VWA8: variants seen among roughly 807,000 people sequenced by gnomAD.
The protein encoded by VWA8 is von Willebrand factor A domain-containing protein 8.
Under a neutral mutation model 241.5 loss-of-function variants are expected in VWA8, and 221 were observed. The observed-to-expected ratio is 0.91, with a 90% CI of 0.82 to 1.02. VWA8 has a LOEUF of 1.02. Among genes scored for constraint, VWA8 ranks in the 50% least tolerant of loss-of-function variants. VWA8 has a pLI of 0.00. For missense variants in VWA8, 2,322 were observed against 2,328.7 expected, an observed-to-expected ratio of 1.00 and a Z score of 0.06; for synonymous variants, 852 against 827.1, an observed-to-expected ratio of 1.03 and a Z score of -0.52.
At chr13:41,648,283 C>T (rs1315385639) in intron 37 of VWA8, among the ~76,000 whole-genome samples, 1 of 152,188 alleles carries the variant, frequency 6.6e-6, no homozygotes, top group African/African-American at 2.4e-5. Flanking sequence ...CTTGAGATTA[C>T]ATTATTTATC....
chr13:41,740,090 C>G (rs751849821), intron 21 of VWA8, among the ~76,000 whole-genome samples: 9 of 151,860 alleles, frequency 5.9e-5, no homozygotes, highest in Non-Finnish European at 1.3e-4. Context: ...CTCCTGACCT[C>G]GTGATCTGCC....
chr13:41,702,598 G>C (rs1293449584), intron 27 of VWA8, among the ~76,000 whole-genome samples: 1 of 152,156 alleles, frequency 6.6e-6, no homozygotes, highest in African/African-American at 2.4e-5. Context: ...AAATTTTGGT[G>C]AAACACAGCC....
intron 2 of VWA8, among the ~76,000 whole-genome samples, chr13:41,934,339 A>G (rs544057783): frequency 6.6e-6 from 1 of 152,052 alleles, no homozygotes; most frequent in Non-Finnish European, 1.5e-5. Flanking sequence ...AAGAATATGG[A>G]GGAACTGGAA....
chr13:41,872,738 T>C lies in VWA8; in HGVS notation c.1081-4261A>G, dbSNP rs1312639120. Among the ~76,000 whole-genome samples the C allele has an allele frequency of 6.6e-5, 10 of 152,134 alleles. No individual in the cohort carries two copies. The East Asian group carries it at 9.7e-4, about 15-fold the overall frequency. On this transcript the variant is annotated intron_variant, in intron 9 of 44. Coordinates refer to ENST00000379310, the MANE Select transcript of VWA8 (RefSeq NM_015058.2). ...TGTAGTATAGTTTGAAGTCAGGTAG[T>C]GTGATGCCTCCAGCTTTGTTCTTTT...
chr13:41,894,980 G>A (rs1052932815), intron 4 of VWA8, among the ~76,000 whole-genome samples: 26 of 152,098 alleles, frequency 1.7e-4, no homozygotes, highest in African/African-American at 5.3e-4. Context: ...GTTGGGGACC[G>A]TGTGGGAGAT....
intron 17 of VWA8, among the ~76,000 whole-genome samples, chr13:41,802,265 C>T (rs1436109350): frequency 6.6e-6 from 1 of 152,160 alleles, no homozygotes; most frequent in African/African-American, 2.4e-5. Flanking sequence ...TCAGTGCTAC[C>T]CTGTCACAGT....
At chr13:41,741,917 T>C (rs2137879534) in intron 21 of VWA8, among the ~76,000 whole-genome samples, 1 of 152,272 alleles carries the variant, frequency 6.6e-6, no homozygotes, top group Middle Eastern at 3.4e-3. Context: ...GAGAAGGCAA[T>C]TAATCCTGAT....
intron 12 of VWA8, among the ~76,000 whole-genome samples, chr13:41,836,232 A>G (rs961532239): frequency 6.6e-6 from 1 of 152,212 alleles, no homozygotes; most frequent in Non-Finnish European, 1.5e-5. Context: ...AAAGTTAAAA[A>G]TAAGAGAAAA....
chr13:41,791,802 T>C (rs1869475024), intron 17 of VWA8, among the ~76,000 whole-genome samples: 1 of 151,912 alleles, frequency 6.6e-6, no homozygotes, highest in South Asian at 2.1e-4. Flanking sequence ...GATGGACAGA[T>C]GGGCTGTTTC....
At chr13:41,816,956 T>C (rs1003054745) in intron 15 of VWA8, among the ~76,000 whole-genome samples, 181 bp from the exon 16 acceptor site, 20 of 152,208 alleles carry the variant, frequency 1.3e-4, no homozygotes, top group African/African-American at 4.8e-4. Flanking sequence ...TAGGAAACAC[T>C]GAAACCCCTG....
chr13:41,867,378 C>T (rs1873361667), intron 10 of VWA8, among the ~76,000 whole-genome samples: 1 of 152,144 alleles, frequency 6.6e-6, no homozygotes, highest in Non-Finnish European at 1.5e-5. Context: ...CCTAAACTAT[C>T]AGCTAGATGA....
intron 21 of VWA8, among the ~76,000 whole-genome samples, chr13:41,740,854 C>T (rs2137878023): frequency 6.6e-6 from 1 of 152,078 alleles, no homozygotes; most frequent in Middle Eastern, 3.4e-3. Flanking sequence ...TAAGATTACC[C>T]AAAACATCTT....
intron 43 of VWA8, among the ~76,000 whole-genome samples, chr13:41,574,161 G>GA (rs1037834139): frequency 7.9e-6 from 1 of 126,662 alleles, no homozygotes; most frequent in Non-Finnish European, 1.6e-5. Context: ...CAACATTAAA[G>GA]AAAAGTTTTC....
intron 4 of VWA8, among the ~76,000 whole-genome samples, chr13:41,904,471 C>T (rs1036996800): frequency 6.6e-6 from 1 of 152,082 alleles, no homozygotes; most frequent in Non-Finnish European, 1.5e-5. Flanking sequence ...ACTATTCCAG[C>T]TCAAATCCCA....
chr13:41,830,696 A>G (rs2138000544), intron 13 of VWA8, 54 bp from the exon 14 acceptor site: 1 of 1,484,468 alleles, frequency 6.7e-7, no homozygotes, highest in Non-Finnish European at 9.3e-7. Context: ...TGAACACTGA[A>G]GTTTTCAGAG....
intron 1 of VWA8, among the ~76,000 whole-genome samples, chr13:41,956,676 C>T (rs1878364396): frequency 6.6e-6 from 1 of 152,170 alleles, no homozygotes; most frequent in African/African-American, 2.4e-5. Context: ...TTATTTCTAT[C>T]TAATCCTATT....
At chr13:41,688,031 C>T (rs1287247468) in intron 34 of VWA8, among the ~76,000 whole-genome samples, 8 of 151,784 alleles carry the variant, frequency 5.3e-5, no homozygotes, top group Non-Finnish European at 8.8e-5. Context: ...AGAAAAAGTC[C>T]CAATTTTTTT....
intron 2 of VWA8, among the ~76,000 whole-genome samples, chr13:41,940,059 C>T (rs990224289): frequency 1.3e-5 from 2 of 152,176 alleles, no homozygotes; most frequent in Non-Finnish European, 2.9e-5. Context: ...TAGTAAATAG[C>T]TAGAGACATC....
At chr13:41,578,068 A>G (rs1038371895) in intron 42 of VWA8, among the ~76,000 whole-genome samples, 4 of 151,952 alleles carry the variant, frequency 2.6e-5, no homozygotes, top group African/African-American at 9.7e-5. Flanking sequence ...TGCCTAGGAG[A>G]AAAAAAACAT....
Sources: allele counts gnomAD v4.1 joint callset (sites outside exome capture counted in the v4.1 genomes callset), GRCh38; gene constraint gnomAD v4.1.1; transcripts MANE v1.5; gene names NCBI Gene and HGNC (gene_info 2026-07-23, HGNC 2026-07-21).